Variants in DNAH14 observed in about 807,000 individuals in gnomAD.
DNAH14 encodes the protein axonemal beta dynein heavy chain 14.
DNAH14 carries 478 observed loss-of-function variants against 520.9 expected under a neutral mutation model. That is an observed-to-expected ratio of 0.92 (90% confidence interval 0.85 to 0.99). The LOEUF (loss-of-function observed/expected upper bound fraction) is 0.99. Ranked by LOEUF, DNAH14 falls within the 50% of genes least tolerant of loss-of-function variation. The pLI is 0.00. For missense variants in DNAH14, 4,831 were observed against 5,234.5 expected (o/e 0.92, Z 2.38); for synonymous variants, 1,581 against 1,757.2 (o/e 0.90, Z 2.51).
intron 1 of DNAH14, among the ~76,000 whole-genome samples, chr1:224,947,106 C>A (rs187003528): frequency 6.6e-6 from 1 of 151,694 alleles, no homozygotes; most frequent in Admixed American, 6.6e-5. Context: ...TGAGTAGAGA[C>A]GGGGTTTTAC....
intron 17 of DNAH14, among the ~76,000 whole-genome samples, chr1:225,071,071 G>C (rs1178775040): frequency 1.3e-5 from 2 of 152,134 alleles, no homozygotes; most frequent in African/African-American, 4.8e-5. Context: ...GCCTATGTGT[G>C]TCATTGCATG....
At chr1:225,144,960 A>AAAGAGAGGG (rs2079799200) in intron 29 of DNAH14, among the ~76,000 whole-genome samples, 1 of 152,056 alleles carries the variant, frequency 6.6e-6, no homozygotes, top group Non-Finnish European at 1.5e-5. Context: ...AGTGAGACCG[A>AAAGAGAGGG]AAGAGAGGGA....
intron 8 of DNAH14, among the ~76,000 whole-genome samples, chr1:225,002,115 G>A (rs1297688243): frequency 6.6e-6 from 1 of 152,102 alleles, no homozygotes. Flanking sequence ...CCAAAGGGAT[G>A]ATTCAGGGCA....
At chr1:225,219,052 C>T (rs1432765390) in intron 41 of DNAH14, among the ~76,000 whole-genome samples, 1 of 152,178 alleles carries the variant, frequency 6.6e-6, no homozygotes, top group Non-Finnish European at 1.5e-5. Flanking sequence ...TTCTGAACGA[C>T]TACTGGGTAA....
chr1:224,943,358 T>C (rs2059559419), intron 1 of DNAH14, among the ~76,000 whole-genome samples: 1 of 151,840 alleles, frequency 6.6e-6, no homozygotes, highest in South Asian at 2.1e-4. Flanking sequence ...TCTCGTTTTT[T>C]ATTGTGTCTA....
At chr1:225,097,951 C>T (rs2075132842) in intron 22 of DNAH14, among the ~76,000 whole-genome samples, 1 of 152,090 alleles carries the variant, frequency 6.6e-6, no homozygotes, top group Non-Finnish European at 1.5e-5. Flanking sequence ...GTAATCCCAA[C>T]ACTTTGGGAG....
intron 10 of DNAH14, among the ~76,000 whole-genome samples, chr1:225,022,038 T>A (rs1238924138): frequency 6.6e-6 from 1 of 152,184 alleles, no homozygotes; most frequent in Non-Finnish European, 1.5e-5. Context: ...CTGGGATAAC[T>A]GGCTAGCCAT....
chr1:224,941,824 T>C (rs139819707), intron 1 of DNAH14, among the ~76,000 whole-genome samples: 3,771 of 152,302 alleles, frequency 0.025, 122 homozygotes, highest in African/African-American at 0.077. Context: ...GTTGTAGATA[T>C]GTGGCATTAT....
chr1:225,155,833 G>C (rs1185401239), intron 34 of DNAH14, among the ~76,000 whole-genome samples: 3 of 152,056 alleles, frequency 2.0e-5, no homozygotes, highest in Non-Finnish European at 4.4e-5. Flanking sequence ...GAAGCCATGT[G>C]ATTGACTTCT....
intron 77 of DNAH14, among the ~76,000 whole-genome samples, chr1:225,374,382 C>G (rs989793542): frequency 6.7e-5 from 10 of 149,824 alleles, no homozygotes; most frequent in African/African-American, 2.5e-4. Flanking sequence ...CTGCCTCAGC[C>G]TCCCAGTAGC....
intron 8 of DNAH14, among the ~76,000 whole-genome samples, chr1:224,982,793 T>C (rs1456947150): frequency 6.6e-6 from 1 of 152,228 alleles, no homozygotes; most frequent in Admixed American, 6.5e-5. Flanking sequence ...TTTCCAGTTT[T>C]ATTCCACTGT....
intron 52 of DNAH14, among the ~76,000 whole-genome samples, chr1:225,273,597 G>T (rs1006803061): frequency 6.6e-6 from 1 of 152,150 alleles, no homozygotes; most frequent in African/African-American, 2.4e-5. Flanking sequence ...ATGCTGGAGA[G>T]GATAAAATCA....
intron 42 of DNAH14, among the ~76,000 whole-genome samples, chr1:225,233,861 C>T (rs780770181): frequency 7.9e-5 from 12 of 151,938 alleles, no homozygotes; most frequent in Admixed American, 3.9e-4. Context: ...AATTTTTGCC[C>T]GTGCCTATAT....
At position 225,050,221 on chromosome 1, in the gene DNAH14, C is replaced by A; in HGVS notation, c.1924C>A (p.Pro642Thr). Reference protein sequence around the residue: ...NMEKCITTITPLCQDPQLSIF... With the variant: ...NMEKCITTITTLCQDPQLSIF... ...ATTATATATTTTAGCCACAATTACT[C>A]CTCTTTGCCAAGATCCCCAGCTGTC... Residue 642 changes from proline (P) to threonine (T), a missense_variant, in exon 16 of 86, where the codon CCT becomes ACT. By Grantham distance (38) the Pro-to-Thr change is conservative. Coordinates refer to ENST00000682510, the MANE Select transcript of DNAH14 (RefSeq NM_001367479.1). 1 of 1,534,844 alleles carries A rather than the reference C, an allele frequency of 6.5e-7. No individual in the cohort carries two copies. The highest frequency in any genetic ancestry group is 8.7e-7 in the Non-Finnish European group (1 of 1,142,900).
In DNAH14 at chr1:225,374,865, T is replaced by C. The variant is rs1382647395; in HGVS notation, c.12496T>C (p.Phe4166Leu). 2 of 1,550,124 alleles carry C rather than the reference T, an allele frequency of 1.3e-6. No homozygotes were observed. The highest frequency in any genetic ancestry group is 2.7e-5 in the African/African-American group (2 of 73,022). The change falls in exon 78 of 86, where the codon TTC (phenylalanine) becomes CTC (leucine). Residue 4166 changes from phenylalanine (F) to leucine (L), a missense_variant. Transcript: ENST00000682510. ...FCNPEVLKDD[F>L]SFSSDGICLP... ...TAATCCTGAAGTGCTGAAAGATGAC[T>C]TCAGTTTCTCCAGTGATGGGGTAGG...
At chr1:224,937,648 C>T (rs1296888916) in intron 1 of DNAH14, among the ~76,000 whole-genome samples, 1 of 152,016 alleles carries the variant, frequency 6.6e-6, no homozygotes, top group Non-Finnish European at 1.5e-5. Flanking sequence ...ATATTCAGTG[C>T]AGTCCCTAGC....
intron 36 of DNAH14, among the ~76,000 whole-genome samples, chr1:225,177,223 C>T (rs747449392): frequency 6.6e-5 from 10 of 152,124 alleles, no homozygotes; most frequent in African/African-American, 9.7e-5. Flanking sequence ...ATTTGTGGAA[C>T]TTTGAACTTG....
At chr1:225,340,046 A>G (rs141420802) in intron 68 of DNAH14, among the ~76,000 whole-genome samples, 7 of 113,410 alleles carry the variant, frequency 6.2e-5, no homozygotes, top group African/African-American at 2.6e-4. Flanking sequence ...TTTACTTCTA[A>G]AGCTATTGAA....
intron 73 of DNAH14, chr1:225,357,956 T>C: frequency 1.6e-6 from 1 of 644,496 alleles, no homozygotes; most frequent in East Asian, 2.7e-5. Context: ...TGAACCTCTG[T>C]TTACTATGCA....
Sources: allele counts gnomAD v4.1 joint callset (sites outside exome capture counted in the v4.1 genomes callset), GRCh38; gene constraint gnomAD v4.1.1; transcripts MANE v1.5; gene names NCBI Gene and HGNC (gene_info 2026-07-23, HGNC 2026-07-21).